ROBO2: variants seen among roughly 807,000 people sequenced by gnomAD.
The protein encoded by ROBO2 is roundabout homolog 2.
In ROBO2, 53 loss-of-function variants were observed where a neutral mutation model predicts 160.8. The ratio of observed to expected loss-of-function variants is 0.33; its 90% CI spans 0.26 to 0.41. ROBO2 has a LOEUF of 0.41. Ranked by LOEUF, ROBO2 falls within the 10% of genes least tolerant of loss-of-function variation. The pLI is 1.00. For missense variants in ROBO2, 1,577 were observed against 1,722.4 expected (o/e 0.92, Z 1.49); for synonymous variants, 664 against 611.7 (o/e 1.09, Z -1.26).
At chr3:76,227,563 G>C (rs537694914) in intron 2 of ROBO2, among the ~76,000 whole-genome samples, 1 of 152,154 alleles carries the variant, frequency 6.6e-6, no homozygotes, top group African/African-American at 2.4e-5. Flanking sequence ...TTTCATTTTT[G>C]ATAGCATCTA....
chr3:76,086,369 A>T (rs2069012742), intron 2 of ROBO2, among the ~76,000 whole-genome samples: 2 of 152,116 alleles, frequency 1.3e-5, no homozygotes, highest in Admixed American at 6.6e-5. Flanking sequence ...CCTATGACAC[A>T]TGGGGACTAT....
intron 2 of ROBO2, among the ~76,000 whole-genome samples, chr3:75,944,266 G>A (rs1450001895): frequency 1.3e-5 from 2 of 152,074 alleles, no homozygotes; most frequent in East Asian, 3.9e-4. Flanking sequence ...AAGTACGAGA[G>A]CCTGAACCTT....
At chr3:77,508,004 A>G (rs148455517) in intron 5 of ROBO2, among the ~76,000 whole-genome samples, 1 of 152,130 alleles carries the variant, frequency 6.6e-6, no homozygotes, top group Admixed American at 6.6e-5. Context: ...AATGAAAATA[A>G]TGAAATACTC....
intron 2 of ROBO2, among the ~76,000 whole-genome samples, chr3:76,153,074 A>G (rs958967639): frequency 2.0e-5 from 3 of 152,214 alleles, no homozygotes; most frequent in African/African-American, 7.2e-5. Flanking sequence ...GTAAATTAAT[A>G]TAATAGTAAA....
At chr3:77,353,847 C>G (rs1427891583) in intron 2 of ROBO2, among the ~76,000 whole-genome samples, 1 of 152,136 alleles carries the variant, frequency 6.6e-6, no homozygotes, top group Non-Finnish European at 1.5e-5. Flanking sequence ...ATTATTAATA[C>G]TGCTCAGAAC....
At chr3:76,775,133 T>C (rs2062160715) in intron 2 of ROBO2, among the ~76,000 whole-genome samples, 1 of 150,808 alleles carries the variant, frequency 6.6e-6, no homozygotes, top group Admixed American at 6.6e-5. Flanking sequence ...TCTATTCGAT[T>C]AGAAAATATA....
At chr3:76,801,209 T>C (rs1010858194) in intron 2 of ROBO2, among the ~76,000 whole-genome samples, 2 of 152,110 alleles carry the variant, frequency 1.3e-5, no homozygotes, top group Admixed American at 6.5e-5. Flanking sequence ...ATAAAAACAA[T>C]TGAACTCATG....
intron 2 of ROBO2, among the ~76,000 whole-genome samples, chr3:76,775,283 G>A (rs2062175135): frequency 6.6e-6 from 1 of 150,574 alleles, no homozygotes; most frequent in Non-Finnish European, 1.5e-5. Flanking sequence ...ATAATTACCT[G>A]CTTATAAAGT....
At chr3:77,589,392 G>A (rs1470769866) in intron 17 of ROBO2, among the ~76,000 whole-genome samples, 1 of 151,966 alleles carries the variant, frequency 6.6e-6, no homozygotes, top group Non-Finnish European at 1.5e-5. Context: ...AATGTCCCTC[G>A]TGAAAAATAC....
chr3:76,776,618 A>T (rs905916394), intron 2 of ROBO2, among the ~76,000 whole-genome samples: 2 of 150,926 alleles, frequency 1.3e-5, no homozygotes, highest in African/African-American at 4.8e-5. Flanking sequence ...TCCATTGCTC[A>T]TCATAGTGAT....
At chr3:76,392,292 G>A (rs2077192418) in intron 2 of ROBO2, among the ~76,000 whole-genome samples, 1 of 152,026 alleles carries the variant, frequency 6.6e-6, no homozygotes, top group Non-Finnish European at 1.5e-5. Context: ...TGCTTTAATT[G>A]TTTTCAGTGT....
intron 2 of ROBO2, among the ~76,000 whole-genome samples, chr3:76,917,266 A>G (rs1368110908): frequency 1.3e-5 from 2 of 152,174 alleles, no homozygotes; most frequent in African/African-American, 4.8e-5. Flanking sequence ...GATCATTGCT[A>G]TGTGCTTTTT....
At chr3:77,056,459 T>C (rs1346110263) in intron 1 of ROBO2, among the ~76,000 whole-genome samples, 1 of 152,174 alleles carries the variant, frequency 6.6e-6, no homozygotes, top group Non-Finnish European at 1.5e-5. Flanking sequence ...ATGCAGTGTT[T>C]TTTTTACTTA....
intron 24 of ROBO2, among the ~76,000 whole-genome samples, chr3:77,636,735 T>C (rs2095270370): frequency 6.6e-6 from 1 of 152,208 alleles, no homozygotes; most frequent in Non-Finnish European, 1.5e-5. Context: ...ATATTTTTAT[T>C]TATATATAGC....
At chr3:76,597,789 ATGGTATTTGGTTTTCACTTCC>A (rs1024364968) in intron 2 of ROBO2, among the ~76,000 whole-genome samples, 6 of 151,862 alleles carry the variant, frequency 4.0e-5, no homozygotes, top group Non-Finnish European at 8.8e-5. Flanking sequence ...GTGAGAACAT[ATGGTATTTGGTTTTCACTTCC>A]TGCATTAGTT....
At chr3:77,217,412 G>T (rs920882271) in intron 2 of ROBO2, among the ~76,000 whole-genome samples, 5 of 152,074 alleles carry the variant, frequency 3.3e-5, no homozygotes, top group African/African-American at 1.2e-4. Flanking sequence ...CAAAGTGCTG[G>T]GATTACAGGC....
At chr3:76,961,566 A>T (rs1457950821) in intron 2 of ROBO2, among the ~76,000 whole-genome samples, 1 of 152,186 alleles carries the variant, frequency 6.6e-6, no homozygotes, top group East Asian at 1.9e-4. Flanking sequence ...AAGTGAACAC[A>T]CAGTGGAAAG....
chr3:77,380,468 G>T (rs1204417266), intron 2 of ROBO2, among the ~76,000 whole-genome samples: 1 of 152,034 alleles, frequency 6.6e-6, no homozygotes, highest in Non-Finnish European at 1.5e-5. Context: ...AAACATTTTT[G>T]AAATTATGCA....
At chr3:76,311,057 CAGAAATTATT>C (rs951976794) in intron 2 of ROBO2, 1 of 152,166 alleles carries the variant, frequency 6.6e-6, no homozygotes, top group African/African-American at 2.4e-5. Flanking sequence ...AAGTGGAGAA[CAGAAATTATT>C]TTATAGCTTC....
Sources: allele counts gnomAD v4.1 joint callset (sites outside exome capture counted in the v4.1 genomes callset), GRCh38; gene constraint gnomAD v4.1.1; transcripts MANE v1.5; gene names NCBI Gene and HGNC (gene_info 2026-07-23, HGNC 2026-07-21).